MAVS: variants seen among roughly 807,000 people sequenced by gnomAD.
MAVS encodes the protein mitochondrial antiviral-signaling protein.
A neutral mutation model predicts 30.2 loss-of-function variants in MAVS; 20 were observed. The ratio of observed to expected loss-of-function variants is 0.66; its 90% CI spans 0.47 to 0.96. The LOEUF (loss-of-function observed/expected upper bound fraction) is 0.96. Ranked by LOEUF, MAVS falls within the 40% of genes least tolerant of loss-of-function variation. MAVS has a pLI of 0.00. For missense variants in MAVS, 624 were observed against 701.1 expected (o/e 0.89, Z 1.24); for synonymous variants, 278 against 293.9 (o/e 0.95, Z 0.55).
chr20:3,870,583 T>TGAAGCCAG lies in MAVS; in HGVS notation c.*4439_*4446dup, dbSNP rs1281505750. On this transcript the variant is annotated 3_prime_UTR_variant, in exon 7 of 7. Transcript: ENST00000428216. ...GGGAAGCCGAGGTGGGAGGATCCCT[T>TGAAGCCAG]GAAGCCAGGAGTTTGAGACAAGCCT... 2 of 126,708 alleles carry TGAAGCCAG rather than the reference T, an allele frequency of 1.6e-5. No homozygotes were observed. Among genetic ancestry groups the TGAAGCCAG allele is most frequent in the African/African-American group, 3.0e-5 (1 of 33,412 alleles). The allele number at this position is 126,708 out of a possible 1,614,324, so 7.8% of individuals were successfully genotyped here. A position where few individuals can be genotyped will look rare whatever the true frequency, so the allele number is the denominator to read the frequency against.
rs143381954 is a variant in MAVS, at chr20:3,872,052, G to C, written c.*5905G>C. ...GGATGAAGGACCCAGGGGACAATGC[G>C]AGGGAAAACTCTGACCCCGGGGCCC... is the stretch of plus-strand genomic sequence containing the variant. On this transcript the variant is annotated 3_prime_UTR_variant, in exon 7 of 7. Transcript: ENST00000428216. 4.6e-5 allele frequency: 7 copies of C among 152,472 alleles called. No individual in the cohort carries two copies. Among genetic ancestry groups the C allele is most frequent in the African/African-American group, 1.7e-4 (7 of 41,578 alleles). 9.4% of individuals were successfully genotyped at this position (152,472 alleles called of 1,614,324 possible). A position where few individuals can be genotyped will look rare whatever the true frequency, so the allele number is the denominator to read the frequency against.
chr20:3,856,077 C>T (rs1432214615), intron 2 of MAVS, among the ~76,000 whole-genome samples: 2 of 148,408 alleles, frequency 1.3e-5, no homozygotes, highest in Non-Finnish European at 3.0e-5. Flanking sequence ...TTTTTTGAGA[C>T]GGAGTCTCAC....
chr20:3,848,591 C>T (rs1014918371), intron 1 of MAVS, among the ~76,000 whole-genome samples: 3 of 152,212 alleles, frequency 2.0e-5, no homozygotes, highest in East Asian at 3.8e-4. Context: ...AGGACTGCTT[C>T]CCCTGTGAGG....
rs567228861 is a variant in MAVS at position 3,867,224 on chromosome 20, G to A, written c.*1077G>A. The A allele has an allele frequency of 1.1e-5, 4 of 365,120 alleles. No individual in the cohort carries two copies. In the East Asian group the frequency reaches 2.9e-4, roughly 27 times the overall value. The allele number at this position is 365,120 out of a possible 1,614,324, so 22.6% of individuals were successfully genotyped here. A position where few individuals can be genotyped will look rare whatever the true frequency, so the allele number is the denominator to read the frequency against. On this transcript the variant is annotated 3_prime_UTR_variant, in exon 7 of 7. Coordinates refer to ENST00000428216, the MANE Select transcript of MAVS (RefSeq NM_020746.5). ...TCACCAGCTCTGTGACCTTGGGCAA[G>A]GGATTTATCTGTCTGTCCCTTAGTT...
At chr20:3,863,565 A>G (rs570676681) in intron 5 of MAVS, among the ~76,000 whole-genome samples, 25 of 152,252 alleles carry the variant, frequency 1.6e-4, no homozygotes, top group Admixed American at 1.5e-3. Context: ...ATTCTGTGGT[A>G]TTAGATTGTG....
At chr20:3,858,189 C>T (rs1328090891) in intron 3 of MAVS, among the ~76,000 whole-genome samples, 1 of 152,076 alleles carries the variant, frequency 6.6e-6, no homozygotes, top group East Asian at 1.9e-4. Flanking sequence ...TCCCACCCTT[C>T]CTCATTTCTT....
intron 1 of MAVS, among the ~76,000 whole-genome samples, chr20:3,852,560 G>C (rs1327711565): frequency 6.6e-6 from 1 of 152,082 alleles, no homozygotes; most frequent in Non-Finnish European, 1.5e-5. Context: ...TATAGGCACA[G>C]AAACTAGGGT....
chr20:3,857,386 A>AT (rs774146648), intron 2 of MAVS, among the ~76,000 whole-genome samples: 15 of 152,242 alleles, frequency 9.9e-5, no homozygotes, highest in Non-Finnish European at 1.9e-4. Flanking sequence ...TGATACATGC[A>AT]AAGCCCTTAA....
intron 1 of MAVS, among the ~76,000 whole-genome samples, chr20:3,847,275 A>G (rs1261764858): frequency 1.3e-5 from 2 of 151,868 alleles, no homozygotes; most frequent in African/African-American, 2.4e-5. Flanking sequence ...GGGTGCGCCT[A>G]GAGGTCGAGT....
chr20:3,850,113 T>C (rs933647678), intron 1 of MAVS, among the ~76,000 whole-genome samples: 1 of 149,418 alleles, frequency 6.7e-6, no homozygotes, highest in Non-Finnish European at 1.5e-5. Context: ...CTGTCTCTAC[T>C]AAAAATACAA....
In MAVS at chr20:3,873,955, G is replaced by A. The variant is rs1035072565; in HGVS notation, c.*7808G>A. 4 of 396,422 alleles carry A rather than the reference G, an allele frequency of 1.0e-5. No individual in the cohort carries two copies. In the Admixed American group the frequency reaches 1.8e-4, roughly 18 times the overall value. 24.6% of individuals were successfully genotyped at this position (396,422 alleles called of 1,614,324 possible). A position where few individuals can be genotyped will look rare whatever the true frequency, so the allele number is the denominator to read the frequency against. On this transcript the variant is annotated 3_prime_UTR_variant, in exon 7 of 7. Transcript: ENST00000428216. ...GCTATGTCCACCGAGACATTGGCAA[G>A]AATGTTTCTAACCACACGCTGACTG...
At chr20:3,847,353 C>T (rs1307531433) in intron 1 of MAVS, among the ~76,000 whole-genome samples, 1 of 152,202 alleles carries the variant, frequency 6.6e-6, no homozygotes, top group Non-Finnish European at 1.5e-5. Flanking sequence ...CCTCCCCGCC[C>T]TCCGCGGACC....
intron 1 of MAVS, among the ~76,000 whole-genome samples, chr20:3,853,469 G>A (rs1360975618): frequency 6.8e-6 from 1 of 146,796 alleles, no homozygotes; most frequent in Non-Finnish European, 1.5e-5. Context: ...CTGGGCGACA[G>A]AGAAAGACTC....
Position 3,863,979 on chromosome 20 carries a change from G to A in MAVS, c.626-277G>A, listed in dbSNP as rs1010106029. ...TTTCCCAGGTGGGAGAGGAAAAAGCGGAGAGAATAATTAATAATGGTCTTC... is the reference window on the plus strand; with the variant it reads ...TTTCCCAGGTGGGAGAGGAAAAAGCAGAGAGAATAATTAATAATGGTCTTC... On this transcript the variant is annotated intron_variant, in intron 5 of 6. Coordinates refer to ENST00000428216, the MANE Select transcript of MAVS (RefSeq NM_020746.5). 6.6e-5 allele frequency among the ~76,000 whole-genome samples: 10 copies of A among 152,222 alleles called. No individual in the cohort carries two copies. The South Asian group carries it at 1.2e-3, about 19-fold the overall frequency.
At chr20:3,862,464 G>A in intron 5 of MAVS, 51 bp downstream of exon 5, 3 of 1,561,052 alleles carry the variant, frequency 1.9e-6, no homozygotes, top group Non-Finnish European at 2.6e-6. Flanking sequence ...TCAAGTGAGG[G>A]TAAGAATTAG....
chr20:3,847,935 C>T (rs1439630558), intron 1 of MAVS, among the ~76,000 whole-genome samples: 1 of 152,154 alleles, frequency 6.6e-6, no homozygotes, highest in Non-Finnish European at 1.5e-5. Flanking sequence ...ATGTGCCTGT[C>T]TACAATGGGC....
Position 3,854,566 on chromosome 20 carries a change from C to A in MAVS, c.-59C>A, listed in dbSNP as rs1324806823. 1.5e-5 allele frequency: 18 copies of A among 1,214,270 alleles called. No individual in the cohort carries two copies. The Admixed American group carries it at 2.6e-4, about 18-fold the overall frequency. 75.2% of individuals were successfully genotyped at this position (1,214,270 alleles called of 1,614,324 possible). On this transcript the variant is annotated 5_prime_UTR_variant, in exon 2 of 7. Coordinates refer to ENST00000428216, the MANE Select transcript of MAVS (RefSeq NM_020746.5). Reference sequence around the variant, plus strand: ...GATCTGTTTTCTTCCAGTCTCGTTTCCTCTCAGTCCATCCACCCTTCATGG... The same window carrying A: ...GATCTGTTTTCTTCCAGTCTCGTTTACTCTCAGTCCATCCACCCTTCATGG...
chr20:3,856,632 C>T (rs985230183), intron 2 of MAVS, among the ~76,000 whole-genome samples: 2 of 151,978 alleles, frequency 1.3e-5, no homozygotes, highest in Non-Finnish European at 2.9e-5. Flanking sequence ...TGTGAGCTAC[C>T]GCACCTGGCT....
intron 1 of MAVS, among the ~76,000 whole-genome samples, chr20:3,848,415 A>G (rs936457976): frequency 1.3e-5 from 2 of 152,144 alleles, no homozygotes; most frequent in African/African-American, 4.8e-5. Flanking sequence ...GGGATCTATT[A>G]ACTCCCATAG....
Sources: gnomAD v4.1 joint callset for allele counts (sites outside exome capture counted in the v4.1 genomes callset) on GRCh38, gnomAD v4.1.1 for gene constraint, MANE v1.5 for transcripts, NCBI Gene and HGNC (gene_info 2026-07-23, HGNC 2026-07-21) for gene names.